PPP1R37: variants seen among roughly 807,000 people sequenced by gnomAD.
PPP1R37 encodes the protein protein phosphatase 1 regulatory subunit 37.
In PPP1R37, 21 loss-of-function variants were observed where a neutral mutation model predicts 61.0. The observed-to-expected ratio is 0.34, with a 90% CI of 0.24 to 0.50. The LOEUF is 0.50. PPP1R37 is among the 20% of genes least tolerant of loss of function. The pLI is 0.98. For missense variants in PPP1R37, 910 were observed against 952.7 expected (o/e 0.96, Z 0.59); for synonymous variants, 443 against 433.5 (o/e 1.02, Z -0.27).
intron 1 of PPP1R37, among the ~76,000 whole-genome samples, chr19:45,093,995 T>C (rs1967958818): frequency 6.6e-6 from 1 of 152,206 alleles, no homozygotes; most frequent in Non-Finnish European, 1.5e-5. Flanking sequence ...AGTGGTCGTG[T>C]TGGCCACTTT....
intron 1 of PPP1R37, among the ~76,000 whole-genome samples, chr19:45,097,478 T>G (rs951315830): frequency 4.0e-5 from 6 of 151,810 alleles, no homozygotes; most frequent in Non-Finnish European, 7.4e-5. Context: ...GCCTCACCCC[T>G]GGGGCTACAG....
chr19:45,100,475 A>G (rs1968048325), intron 1 of PPP1R37, among the ~76,000 whole-genome samples: 1 of 152,062 alleles, frequency 6.6e-6, no homozygotes, highest in African/African-American at 2.4e-5. Flanking sequence ...CAGCCACCCC[A>G]GGAGGTAGGT....
At chr19:45,110,206 C>T (rs1277138032) in intron 1 of PPP1R37, among the ~76,000 whole-genome samples, 1 of 150,718 alleles carries the variant, frequency 6.6e-6, no homozygotes, top group Non-Finnish European at 1.5e-5. Flanking sequence ...GTCTAGATCT[C>T]CTGGGCCCAG....
intron 1 of PPP1R37, among the ~76,000 whole-genome samples, chr19:45,097,302 G>A (rs1460778453): frequency 6.6e-6 from 1 of 151,976 alleles, no homozygotes; most frequent in African/African-American, 2.4e-5. Flanking sequence ...AGGCCAAGGG[G>A]TAACAGAAGA....
intron 1 of PPP1R37, among the ~76,000 whole-genome samples, chr19:45,123,749 T>C (rs900171001): frequency 1.3e-5 from 2 of 152,184 alleles, no homozygotes; most frequent in African/African-American, 4.8e-5. Context: ...AGGGAATGCT[T>C]TAGGGCATGT....
chr19:45,143,324 G>A lies in PPP1R37; in HGVS notation c.875-197G>A, dbSNP rs555244782. ...AGATCAGAAGCATCTGGTGGAGGCT[G>A]TCATCCAGGCACCCAGGCCCAGGGG... is the stretch of plus-strand genomic sequence containing the variant. On this transcript the variant is annotated intron_variant, in intron 7 of 12. Coordinates refer to ENST00000221462, the MANE Select transcript of PPP1R37 (RefSeq NM_019121.2). 320 of 534,246 alleles carry A rather than the reference G, an allele frequency of 6.0e-4. 2 individuals carry two copies. The highest frequency in any genetic ancestry group is 5.4e-3 in the African/African-American group (279 of 51,722). The allele number at this position is 534,246 out of a possible 1,614,324, so 33.1% of individuals were successfully genotyped here. A position where few individuals can be genotyped will look rare whatever the true frequency, so the allele number is the denominator to read the frequency against.
At position 45,093,376 on chromosome 19, in the gene PPP1R37, C is replaced by T. The variant is rs1366540877; in HGVS notation, c.51C>T (p.Asp17=). The change falls in exon 1 of 13, where the codon GAC becomes GAT. Residue 17 remains aspartate (D), a synonymous_variant. Transcript: ENST00000221462. ...EAPPVPGADG[D]IEEAPAEAGS... ...CGCCCGTGCCGGGCGCGGACGGCGACATTGAAGAGGCCCCAGCTGAGGCCG... is the reference window on the plus strand; with the variant it reads ...CGCCCGTGCCGGGCGCGGACGGCGATATTGAAGAGGCCCCAGCTGAGGCCG... 5 of 1,521,536 alleles carry T rather than the reference C, an allele frequency of 3.3e-6. No homozygotes were observed. Among genetic ancestry groups the T allele is most frequent in the Non-Finnish European group, 4.4e-6 (5 of 1,138,582 alleles). 94.3% of individuals were successfully genotyped at this position (1,521,536 alleles called of 1,614,324 possible).
In PPP1R37 at chr19:45,145,922, A is replaced by G. The variant is rs987820691; in HGVS notation, c.1866A>G (p.Pro622=). Residue 622 remains proline, a synonymous_variant, in exon 11 of 13, where the codon CCA becomes CCG. Transcript: ENST00000221462. ...ACACAGGGTCCTCTGAGCCTCAGCCACCACCGGAGCCGCCTCGGTCAGGGC... is the reference window on the plus strand; with the variant it reads ...ACACAGGGTCCTCTGAGCCTCAGCCGCCACCGGAGCCGCCTCGGTCAGGGC... ...TRDTGSSEPQ[P]PPEPPRSGPP... The G allele has an allele frequency of 5.6e-5, 86 of 1,531,780 alleles. No homozygotes were observed. The East Asian group carries it at 1.9e-3, about 35-fold the overall frequency. 94.9% of individuals were successfully genotyped at this position (1,531,780 alleles called of 1,614,324 possible).
Position 45,141,459 on chromosome 19 carries a change from T to A in PPP1R37, c.567+18T>A. ...TGCGCAAGGTGGGCGCCTCTCGGCT[T>A]CCAGGAAGAGGCAGCTCAGGCTCCC... On this transcript the variant is annotated intron_variant, in intron 5 of 12. Coordinates refer to ENST00000221462, the MANE Select transcript of PPP1R37 (RefSeq NM_019121.2). 6.6e-7 allele frequency: 1 copy of A among 1,514,834 alleles called. No individual in the cohort carries two copies. Among genetic ancestry groups the A allele is most frequent in the Non-Finnish European group, 8.8e-7 (1 of 1,132,072 alleles). 93.8% of individuals were successfully genotyped at this position (1,514,834 alleles called of 1,614,324 possible).
chr19:45,094,410 T>G (rs568194301), intron 1 of PPP1R37, among the ~76,000 whole-genome samples: 1 of 152,222 alleles, frequency 6.6e-6, no homozygotes, highest in South Asian at 2.1e-4. Context: ...TACGGAAGGG[T>G]CCTCTTGTTC....
intron 1 of PPP1R37, among the ~76,000 whole-genome samples, chr19:45,131,326 G>A (rs115543359): frequency 0.01 from 1,568 of 152,214 alleles, 25 homozygotes; most frequent in African/African-American, 0.036. Context: ...TGGAGCTCAT[G>A]CCTTTCACCA....
At chr19:45,126,089 CAG>C (rs1449198095) in intron 1 of PPP1R37, among the ~76,000 whole-genome samples, 1 of 152,188 alleles carries the variant, frequency 6.6e-6, no homozygotes, top group Admixed American at 6.5e-5. Flanking sequence ...GAGAGTCCTG[CAG>C]AGAGGCCCAG....
intron 1 of PPP1R37, among the ~76,000 whole-genome samples, chr19:45,119,454 G>A (rs928479514): frequency 6.6e-6 from 1 of 152,076 alleles, no homozygotes; most frequent in Admixed American, 6.6e-5. Flanking sequence ...TGCCTGGCCC[G>A]TTTAACTGTG....
chr19:45,097,568 G>A (rs1968008769), intron 1 of PPP1R37, among the ~76,000 whole-genome samples: 1 of 151,982 alleles, frequency 6.6e-6, no homozygotes, highest in African/African-American at 2.4e-5. Flanking sequence ...GGGGCCCAGG[G>A]TTTGGGGATT....
chr19:45,126,096 G>A (rs577491440), intron 1 of PPP1R37, among the ~76,000 whole-genome samples: 37 of 152,324 alleles, frequency 2.4e-4, no homozygotes, highest in African/African-American at 8.4e-4. Context: ...CTGCAGAGAG[G>A]CCCAGCACCG....
At chr19:45,140,100 C>T (rs1166070700) in intron 2 of PPP1R37, 136 bp from the exon 3 acceptor site, 5 of 707,680 alleles carry the variant, frequency 7.1e-6, no homozygotes, top group South Asian at 1.7e-5. Flanking sequence ...TGGGTGGCCT[C>T]TGAGCCTCTG....
At chr19:45,099,906 G>A (rs567743322) in intron 1 of PPP1R37, among the ~76,000 whole-genome samples, 18 of 152,346 alleles carry the variant, frequency 1.2e-4, no homozygotes, top group South Asian at 4.1e-4. Flanking sequence ...TCTGACTCCC[G>A]GAAGAGCACG....
intron 8 of PPP1R37, 51 bp downstream of exon 8, chr19:45,143,684 C>T (rs1454557262): frequency 9.3e-7 from 1 of 1,069,810 alleles, no homozygotes; most frequent in Non-Finnish European, 1.4e-6. Context: ...GCTGCCACCT[C>T]CCACTCCAGC....
chr19:45,114,041 C>A (rs1201009306), intron 1 of PPP1R37, among the ~76,000 whole-genome samples: 1 of 152,352 alleles, frequency 6.6e-6, no homozygotes, highest in East Asian at 1.9e-4. Flanking sequence ...CCGTTTGCCA[C>A]GCGCCAGCCC....
Sources: gnomAD v4.1 joint callset for allele counts (sites outside exome capture counted in the v4.1 genomes callset) on GRCh38, gnomAD v4.1.1 for gene constraint, MANE v1.5 for transcripts, NCBI Gene and HGNC (gene_info 2026-07-23, HGNC 2026-07-21) for gene names.